The following MRPS6 variants were observed in gnomAD, a reference collection of about 807,000 sequenced individuals.
The protein encoded by MRPS6 is mitochondrial ribosomal protein S6.
A neutral mutation model predicts 13.1 loss-of-function variants in MRPS6; 6 were observed. The ratio of observed to expected loss-of-function variants is 0.46; its 90% confidence interval spans 0.25 to 0.91. MRPS6 has a LOEUF of 0.91. Among genes scored for constraint, MRPS6 ranks in the 40% least tolerant of loss-of-function variants. MRPS6 has a pLI of 0.18. For synonymous variants in MRPS6, 61 were observed against 56.5 expected, an observed-to-expected ratio of 1.08 and a Z score of -0.36; for missense variants, 164 against 155.6, an observed-to-expected ratio of 1.05 and a Z score of -0.29.
At chr21:34,086,517 TTGTGTG>T (rs34988334) in intron 1 of MRPS6, among the ~76,000 whole-genome samples, 180 of 148,340 alleles carry the variant, frequency 1.2e-3, no homozygotes, top group East Asian at 3.2e-3. Flanking sequence ...TAGTTTGTGT[TTGTGTG>T]TGTGTGTGTG....
At chr21:34,084,567 A>G (rs1441783401) in intron 1 of MRPS6, among the ~76,000 whole-genome samples, 1 of 152,228 alleles carries the variant, frequency 6.6e-6, no homozygotes, top group Non-Finnish European at 1.5e-5. Context: ...ATATATATAC[A>G]CACCTACATA....
At chr21:34,076,745 G>A (rs1407638480) in intron 1 of MRPS6, among the ~76,000 whole-genome samples, 1 of 152,178 alleles carries the variant, frequency 6.6e-6, no homozygotes, top group African/African-American at 2.4e-5. Context: ...GTGAAACTAG[G>A]CCTTTAAAGG....
At chr21:34,111,454 C>A (rs1161600634) in intron 1 of MRPS6, among the ~76,000 whole-genome samples, 1 of 152,174 alleles carries the variant, frequency 6.6e-6, no homozygotes, top group East Asian at 1.9e-4. Context: ...GTGTTATCCC[C>A]TCCCCCACTT....
chr21:34,098,802 G>A (rs369327327), intron 1 of MRPS6: 17 of 999,586 alleles, frequency 1.7e-5, no homozygotes, highest in African/African-American at 1.6e-4. Context: ...TACAGATTAC[G>A]TACTTCTGTG....
intron 1 of MRPS6, chr21:34,103,620 G>A: frequency 1.0e-6 from 1 of 1,000,050 alleles, no homozygotes; most frequent in Non-Finnish European, 1.2e-6. Context: ...GAAAGCACAA[G>A]ACTAATAGTA....
chr21:34,074,806 G>A (rs749450750), intron 1 of MRPS6, among the ~76,000 whole-genome samples: 30 of 152,232 alleles, frequency 2.0e-4, no homozygotes, highest in Non-Finnish European at 3.5e-4. Flanking sequence ...GGTCAATTGC[G>A]AGGAGTATTA....
intron 1 of MRPS6, among the ~76,000 whole-genome samples, chr21:34,081,407 A>G (rs966202244): frequency 6.6e-6 from 1 of 152,218 alleles, no homozygotes; most frequent in Non-Finnish European, 1.5e-5. Context: ...ATATAGTTTT[A>G]TGACTGGATA....
At chr21:34,136,350 G>A (rs139507656) in intron 2 of MRPS6, among the ~76,000 whole-genome samples, 1,751 of 152,210 alleles carry the variant, frequency 0.012, 38 homozygotes, top group South Asian at 0.081. Flanking sequence ...GTTTCACCAT[G>A]TTGGTCAGGA....
chr21:34,081,400 T>C (rs376242808), intron 1 of MRPS6, among the ~76,000 whole-genome samples: 28 of 152,348 alleles, frequency 1.8e-4, no homozygotes, highest in African/African-American at 6.3e-4. Context: ...TACGTATATA[T>C]AGTTTTATGA....
At chr21:34,138,799 A>G (rs1323808124) in intron 2 of MRPS6, among the ~76,000 whole-genome samples, 3 of 152,158 alleles carry the variant, frequency 2.0e-5, no homozygotes, top group Non-Finnish European at 2.9e-5. Flanking sequence ...GGGATCTAGA[A>G]CTGGAAATAC....
chr21:34,104,546 A>G (rs762488434), intron 1 of MRPS6: 43 of 998,526 alleles, frequency 4.3e-5, no homozygotes, highest in Admixed American at 6.2e-5. Flanking sequence ...TAATATATCT[A>G]GAAGGAAGAC....
intron 1 of MRPS6, chr21:34,095,854 T>A: frequency 6.2e-7 from 1 of 1,614,120 alleles, no homozygotes; most frequent in Non-Finnish European, 8.5e-7. Flanking sequence ...AGGTACATGT[T>A]GGCCTCACCC....
At chr21:34,128,838 G>A (rs753675889) in intron 2 of MRPS6, among the ~76,000 whole-genome samples, 109 of 152,286 alleles carry the variant, frequency 7.2e-4, no homozygotes, top group Non-Finnish European at 1.4e-3. Context: ...GCAGAATGGG[G>A]CCTGGATTGG....
At chr21:34,114,095 G>T (rs140171518) in intron 1 of MRPS6, among the ~76,000 whole-genome samples, 50 of 152,200 alleles carry the variant, frequency 3.3e-4, no homozygotes, top group African/African-American at 1.1e-3. Flanking sequence ...CAGTCTTCCC[G>T]TTTATCTTTT....
intron 1 of MRPS6, among the ~76,000 whole-genome samples, chr21:34,108,731 T>C (rs2148664050): frequency 6.6e-6 from 1 of 152,370 alleles, no homozygotes; most frequent in African/African-American, 2.4e-5. Flanking sequence ...CAACTTTGGC[T>C]GAATGTAGAA....
chr21:34,097,579 A>C lies in MRPS6; in HGVS notation c.45+23834A>C, dbSNP rs1979025067. 3.1e-6 allele frequency: 4 copies of C among 1,290,534 alleles called. No homozygotes were observed. In the African/African-American group the frequency reaches 4.6e-5, roughly 15 times the overall value. The allele number at this position is 1,290,534 out of a possible 1,614,324, so 79.9% of individuals were successfully genotyped here. A position where few individuals can be genotyped will look rare whatever the true frequency, so the allele number is the denominator to read the frequency against. Reference sequence around the variant, plus strand: ...AAACCTAACAGACTGAATTGTGCAAATGTGGTTTTAAATTTTGCATACCAA... The same window carrying C: ...AAACCTAACAGACTGAATTGTGCAACTGTGGTTTTAAATTTTGCATACCAA... On this transcript the variant is annotated intron_variant, in intron 1 of 2. Transcript: ENST00000399312.
intron 1 of MRPS6, chr21:34,099,138 A>T: frequency 1.0e-6 from 1 of 999,598 alleles, no homozygotes; most frequent in Non-Finnish European, 1.2e-6. Context: ...AAATGAAAAA[A>T]TAATTTATGT....
At position 34,080,429 on chromosome 21, in the gene MRPS6, AC is replaced by A. The variant is rs369862566; in HGVS notation, c.45+6686del. Among the ~76,000 whole-genome samples, 63 of 152,068 alleles carry A rather than the reference AC, an allele frequency of 4.1e-4. No homozygotes were observed. In the East Asian group the frequency reaches 0.012, roughly 28 times the overall value. ...TGTGCAGATTCTTATAAATACCATT[AC>A]CTTTTATTTTCTTTGGTGCCGGCAT... On this transcript the variant is annotated intron_variant, in intron 1 of 2. Transcript: ENST00000399312.
intron 1 of MRPS6, chr21:34,097,013 G>A (rs765021972): frequency 1.2e-6 from 2 of 1,614,152 alleles, no homozygotes; most frequent in Non-Finnish European, 1.7e-6. Flanking sequence ...ATGTTAATCT[G>A]TTGGTAACCT....
Sources: allele counts gnomAD v4.1 joint callset (sites outside exome capture counted in the v4.1 genomes callset), GRCh38; gene constraint gnomAD v4.1.1; transcripts MANE v1.5; gene names NCBI Gene and HGNC (gene_info 2026-07-23, HGNC 2026-07-21).